CPVL: variants seen among roughly 807,000 people sequenced by gnomAD.
CPVL encodes carboxypeptidase vitellogenic like.
Under a neutral mutation model 63.7 loss-of-function variants are expected in CPVL, and 51 were observed. That is an observed-to-expected ratio of 0.80 (90% CI 0.64 to 1.01). The LOEUF (loss-of-function observed/expected upper bound fraction) is 1.01. Ranked by LOEUF, CPVL falls within the 50% of genes least tolerant of loss-of-function variation. The probability of loss-of-function intolerance (pLI) is 0.00; values close to 1 mark genes in which losing one functional copy is unlikely to be tolerated. For missense variants in CPVL, 530 were observed against 573.1 expected (o/e 0.92, Z 0.77); for synonymous variants, 195 against 206.0 (o/e 0.95, Z 0.46).
intron 11 of CPVL, among the ~76,000 whole-genome samples, chr7:29,039,569 A>G (rs1199191658): frequency 6.6e-6 from 1 of 152,034 alleles, no homozygotes; most frequent in African/African-American, 2.4e-5. Context: ...ATTTTAGTTT[A>G]TTTTCATTGT....
At chr7:29,002,954 G>A (rs917093502) in intron 12 of CPVL, among the ~76,000 whole-genome samples, 1 of 119,594 alleles carries the variant, frequency 8.4e-6, no homozygotes, top group African/African-American at 3.2e-5. Context: ...AAAATGATAA[G>A]GAAGAAATGG....
intron 7 of CPVL, 62 bp from the exon 8 acceptor site, chr7:29,072,485 T>G: frequency 6.4e-7 from 1 of 1,564,740 alleles, no homozygotes; most frequent in East Asian, 2.3e-5. Context: ...TTAAATGTAC[T>G]TAAGCTAATT....
chr7:29,015,953 AGT>A (rs1786362534), intron 12 of CPVL, among the ~76,000 whole-genome samples: 1 of 152,198 alleles, frequency 6.6e-6, no homozygotes, highest in South Asian at 2.1e-4. Context: ...GGATTAAAAA[AGT>A]GTGTGGTAGA....
At chr7:29,033,914 A>C (rs1053160636) in intron 11 of CPVL, among the ~76,000 whole-genome samples, 10 of 152,178 alleles carry the variant, frequency 6.6e-5, no homozygotes, top group African/African-American at 2.4e-4. Flanking sequence ...TGCTTATCTT[A>C]TGAAAAAAAT....
At chr7:29,012,281 G>C (rs1475533362) in intron 12 of CPVL, 1 of 152,180 alleles carries the variant, frequency 6.6e-6, no homozygotes, top group African/African-American at 2.4e-5. Context: ...CACTCTGGAT[G>C]ATGTTTAAAG....
In CPVL at chr7:29,066,014, T is replaced by A. The variant is rs1358255796; in HGVS notation, c.963+9A>T. 1 of 1,499,142 alleles carries A rather than the reference T, an allele frequency of 6.7e-7. No homozygotes were observed. Among genetic ancestry groups the A allele is most frequent in the Non-Finnish European group, 9.1e-7 (1 of 1,096,768 alleles). The allele number at this position is 1,499,142 out of a possible 1,614,324, so 92.9% of individuals were successfully genotyped here. On this transcript the variant is annotated intron_variant, in intron 10 of 12. Transcript: ENST00000265394. ...GCAAACATTATTATGGTTTTTAAAA[T>A]GTCATTACCGTGCACCGCAAAAAGT... is the stretch of plus-strand genomic sequence containing the variant.
chr7:29,163,807 C>T (rs1026869468), intron 5 of CPVL, among the ~76,000 whole-genome samples: 1 of 152,074 alleles, frequency 6.6e-6, no homozygotes, highest in African/African-American at 2.4e-5. Flanking sequence ...GTATCTTTCA[C>T]TTTGTGTAGT....
chr7:29,063,075 C>G (rs980729180), intron 11 of CPVL, among the ~76,000 whole-genome samples: 49 of 152,122 alleles, frequency 3.2e-4, no homozygotes, highest in African/African-American at 1.0e-3. Context: ...TGACTTTCCC[C>G]ATGTCATTTG....
intron 11 of CPVL, among the ~76,000 whole-genome samples, chr7:29,049,938 G>T (rs1789982613): frequency 1.3e-5 from 2 of 152,142 alleles, no homozygotes; most frequent in South Asian, 4.1e-4. Context: ...CTCAACAGAT[G>T]CAGAAAAAGC....
intron 11 of CPVL, among the ~76,000 whole-genome samples, chr7:29,046,392 T>G (rs1789616037): frequency 6.6e-6 from 1 of 152,062 alleles, no homozygotes; most frequent in African/African-American, 2.4e-5. Context: ...CCAGGTAAAC[T>G]TTTACATACA....
Position 29,071,992 on chromosome 7 carries a change from G to A in CPVL, c.733-88C>T. The stretch of plus-strand genomic sequence containing the variant: ...CATTTGCTTGGTGAAATAATCCTTT[G>A]TAATTGTTAATATTGTGCTGGTTAG... On this transcript the variant is annotated intron_variant, in intron 8 of 12. Transcript: ENST00000265394. 1.0e-5 allele frequency: 16 copies of A among 1,533,388 alleles called. No individual in the cohort carries two copies. The South Asian group carries it at 1.4e-4, about 14-fold the overall frequency. 95.0% of individuals were successfully genotyped at this position (1,533,388 alleles called of 1,614,324 possible). A position where few individuals can be genotyped will look rare whatever the true frequency, so the allele number is the denominator to read the frequency against.
At chr7:29,051,099 A>C (rs1790109904) in intron 11 of CPVL, among the ~76,000 whole-genome samples, 1 of 152,184 alleles carries the variant, frequency 6.6e-6, no homozygotes. Context: ...ATAAAAATCA[A>C]CTCAAGATTG....
chr7:29,153,465 C>T (rs560949421), intron 5 of CPVL, among the ~76,000 whole-genome samples: 14 of 152,334 alleles, frequency 9.2e-5, no homozygotes, highest in Middle Eastern at 3.4e-3. Context: ...CCTCTTCTTC[C>T]TTCTTCTCCT....
intron 12 of CPVL, among the ~76,000 whole-genome samples, chr7:28,997,747 G>A (rs1379980215): frequency 7.1e-6 from 1 of 141,102 alleles, no homozygotes; most frequent in Non-Finnish European, 1.6e-5. Flanking sequence ...GAAATTTGCA[G>A]CTTAGTCACG....
intron 3 of CPVL, among the ~76,000 whole-genome samples, chr7:29,100,075 T>C (rs1391176710): frequency 6.6e-6 from 1 of 152,224 alleles, no homozygotes; most frequent in Admixed American, 6.5e-5. Context: ...TGCCTTCCAC[T>C]TGTATTCACT....
chr7:29,194,842 TG>T, intron 1 of CPVL: 1 of 1,153,110 alleles, frequency 8.7e-7, no homozygotes, highest in Non-Finnish European at 1.1e-6. Flanking sequence ...GACTTTGCCA[TG>T]GGCTGGGGGC....
intron 12 of CPVL, among the ~76,000 whole-genome samples, chr7:29,025,952 C>T (rs532063155): frequency 3.9e-5 from 6 of 152,268 alleles, no homozygotes; most frequent in South Asian, 2.1e-4. Flanking sequence ...ATTTAAACTG[C>T]ACTTTAGACA....
At chr7:29,015,447 C>T (rs1234236079) in intron 12 of CPVL, among the ~76,000 whole-genome samples, 2 of 152,130 alleles carry the variant, frequency 1.3e-5, no homozygotes, top group African/African-American at 4.8e-5. Context: ...TGGTGCTGTC[C>T]TGGCAATACT....
intron 5 of CPVL, among the ~76,000 whole-genome samples, chr7:29,174,236 C>T (rs982218678): frequency 2.0e-5 from 3 of 152,174 alleles, no homozygotes; most frequent in Non-Finnish European, 4.4e-5. Flanking sequence ...CAGGAAGAAG[C>T]AGCAAGCCCT....
Sources: gnomAD v4.1 joint callset for allele counts (sites outside exome capture counted in the v4.1 genomes callset) on GRCh38, gnomAD v4.1.1 for gene constraint, MANE v1.5 for transcripts, NCBI Gene and HGNC (gene_info 2026-07-23, HGNC 2026-07-21) for gene names.